The following CYTH1 variants were observed in gnomAD, a reference collection of about 807,000 sequenced individuals.
CYTH1 encodes cytohesin-1.
Under a neutral mutation model 61.8 loss-of-function variants are expected in CYTH1, and 18 were observed. The observed-to-expected ratio is 0.29, with a 90% CI of 0.20 to 0.43. The LOEUF (loss-of-function observed/expected upper bound fraction) is 0.43. Ranked by LOEUF, CYTH1 falls within the 20% of genes least tolerant of loss-of-function variation. CYTH1 has a pLI of 1.00. For synonymous variants in CYTH1, 174 were observed against 184.3 expected (o/e 0.94, Z 0.45); for missense variants, 336 against 510.5 (o/e 0.66, Z 3.29).
intron 1 of CYTH1, among the ~76,000 whole-genome samples, chr17:78,727,168 C>T (rs148988383): frequency 9.8e-4 from 149 of 152,372 alleles, no homozygotes; most frequent in African/African-American, 3.5e-3. Context: ...CAAAGGTCCT[C>T]TCTGCCCATG....
rs1388902767 is a variant in CYTH1, at chr17:78,696,020, G to A, written c.812-11C>T. On this transcript the variant is annotated splice_polypyrimidine_tract_variant and intron_variant, in intron 9 of 13. Coordinates refer to ENST00000446868, the MANE Select transcript of CYTH1 (RefSeq NM_004762.6). ...AGGGTTACATACCTCCTGGAGTTTG[G>A]GGCAAGGAAAAGGAGAGCCAAAATC... 3 of 1,367,786 alleles carry A rather than the reference G, an allele frequency of 2.2e-6. No individual in the cohort carries two copies. Among genetic ancestry groups the A allele is most frequent in the Non-Finnish European group, 2.9e-6 (3 of 1,021,956 alleles). 84.7% of individuals were successfully genotyped at this position (1,367,786 alleles called of 1,614,324 possible).
chr17:78,702,307 G>A lies in CYTH1; in HGVS notation c.238-67C>T, dbSNP rs180708065. Reference sequence around the variant, plus strand: ...AAACAGTTGAAAAGAAGGGGAAAGGGCACAGGAAGAAATGGGTGTGGGTGC... The same window carrying A: ...AAACAGTTGAAAAGAAGGGGAAAGGACACAGGAAGAAATGGGTGTGGGTGC... On this transcript the variant is annotated intron_variant, in intron 4 of 13. Transcript: ENST00000446868. 4.4e-5 allele frequency: 60 copies of A among 1,351,412 alleles called. No individual in the cohort carries two copies. The African/African-American group carries it at 7.6e-4, about 17-fold the overall frequency. 83.7% of individuals were successfully genotyped at this position (1,351,412 alleles called of 1,614,324 possible).
chr17:78,708,142 G>T, intron 3 of CYTH1, 55 bp downstream of exon 3: 1 of 1,567,010 alleles, frequency 6.4e-7, no homozygotes, highest in Non-Finnish European at 8.8e-7. Flanking sequence ...ATTAAGGCCT[G>T]GGTGCTTTAA....
intron 1 of CYTH1, among the ~76,000 whole-genome samples, chr17:78,710,672 G>T (rs1459804776): frequency 6.6e-6 from 1 of 152,172 alleles, no homozygotes; most frequent in Non-Finnish European, 1.5e-5. Flanking sequence ...TCAATGAAGT[G>T]GTCCCACCAT....
chr17:78,756,301 C>A (rs1358891066), intron 1 of CYTH1, among the ~76,000 whole-genome samples: 1 of 151,994 alleles, frequency 6.6e-6, no homozygotes, highest in Admixed American at 6.6e-5. Context: ...GTCTTGAACA[C>A]CTGATCTCAA....
intron 1 of CYTH1, among the ~76,000 whole-genome samples, chr17:78,752,159 T>A (rs1335192497): frequency 1.3e-5 from 2 of 152,220 alleles, no homozygotes; most frequent in Non-Finnish European, 2.9e-5. Flanking sequence ...GACTCCTCCA[T>A]CTCCCTCTCT....
chr17:78,712,647 A>G (rs2093146268), intron 1 of CYTH1, among the ~76,000 whole-genome samples: 1 of 152,012 alleles, frequency 6.6e-6, no homozygotes, highest in African/African-American at 2.4e-5. Flanking sequence ...CAAGAGCACA[A>G]CTCTGTCTCA....
chr17:78,689,439 C>T lies in CYTH1; in HGVS notation c.891+2978G>A, dbSNP rs1445961468. ...GCACAACCTAGATCTCTGGCCCATA[C>T]AATTTACAATAGGGTTCGTGCTCCT... On this transcript the variant is annotated intron_variant, in intron 11 of 13. Transcript: ENST00000446868. 4.6e-5 allele frequency among the ~76,000 whole-genome samples: 7 copies of T among 152,308 alleles called. No individual in the cohort carries two copies. The East Asian group carries it at 1.4e-3, about 29-fold the overall frequency.
chr17:78,681,064 G>C (rs890563437), intron 11 of CYTH1, 22 bp from the exon 12 acceptor site: 1 of 1,609,544 alleles, frequency 6.2e-7, no homozygotes, highest in Non-Finnish European at 8.5e-7. Flanking sequence ...TTGAAGAGAG[G>C]AAGTTTAAGA....
chr17:78,691,103 T>C (rs1219255742), intron 11 of CYTH1, among the ~76,000 whole-genome samples: 1 of 152,218 alleles, frequency 6.6e-6, no homozygotes, highest in Non-Finnish European at 1.5e-5. Context: ...TGAAGTGTAT[T>C]ACTCTCATAT....
intron 1 of CYTH1, chr17:78,736,655 G>A (rs748406924): frequency 3.3e-5 from 11 of 338,188 alleles, no homozygotes; most frequent in South Asian, 1.3e-4. Context: ...ACCCCAAGCC[G>A]CATCAGTCCC....
intron 13 of CYTH1, 199 bp from the exon 14 acceptor site, chr17:78,676,368 C>G: frequency 1.7e-6 from 1 of 579,142 alleles, no homozygotes; most frequent in East Asian, 2.9e-5. Flanking sequence ...GAAAGAGACA[C>G]AGGAACACGT....
At chr17:78,782,020 C>G (rs1031116202) in intron 1 of CYTH1, among the ~76,000 whole-genome samples, 182 bp downstream of exon 1, 22 of 151,170 alleles carry the variant, frequency 1.5e-4, no homozygotes, top group South Asian at 2.1e-4. Flanking sequence ...CCCTCAAAAC[C>G]CCCTGCGACC....
intron 12 of CYTH1, 141 bp from the exon 13 acceptor site, chr17:78,680,485 G>T: frequency 9.9e-7 from 1 of 1,008,140 alleles, no homozygotes; most frequent in Non-Finnish European, 1.4e-6. Flanking sequence ...GAAAAGTGAA[G>T]CCTAGAAGCG....
rs78023048 is a variant in CYTH1 at position 78,744,677 on chromosome 17, T to C, written c.23-34945A>G. On this transcript the variant is annotated intron_variant, in intron 1 of 13. Transcript: ENST00000446868. ...AGTTGATGGCAAAGGATATATGTAA[T>C]GTGTCAACAAGAATTCAAAGAACTT... Among the ~76,000 whole-genome samples, 1,324 of 152,302 alleles carry C rather than the reference T, an allele frequency of 8.7e-3. 22 individuals carry two copies. The highest frequency in any genetic ancestry group is 0.03 in the African/African-American group (1,229 of 41,552).
rs368593822 is a variant in CYTH1 at position 78,732,275 on chromosome 17, A to G, written c.23-22543T>C. Among the ~76,000 whole-genome samples the G allele has an allele frequency of 7.9e-5, 12 of 152,284 alleles. 4 individuals are homozygous for G. Among genetic ancestry groups the G allele is most frequent in the Admixed American group, 6.5e-5 (1 of 15,294 alleles). On this transcript the variant is annotated intron_variant, in intron 1 of 13. Coordinates refer to ENST00000446868, the MANE Select transcript of CYTH1 (RefSeq NM_004762.6). ...CCTTCCACATCCCTCCTGTCTAATC[A>G]GACTTTGGGTCTTGATCCCCCACAG...
At position 78,701,653 on chromosome 17, in the gene CYTH1, C is replaced by T. The variant is rs1383127394; in HGVS notation, c.437+18G>A. On this transcript the variant is annotated intron_variant, in intron 6 of 13. Coordinates refer to ENST00000446868, the MANE Select transcript of CYTH1 (RefSeq NM_004762.6). ...GCCTCCCACTCCTTCCAAAGGGGCT[C>T]ACCTCAAGAATACTCACCGTAGTGC... The T allele has an allele frequency of 6.2e-6, 10 of 1,613,394 alleles. No homozygotes were observed. The highest frequency in any genetic ancestry group is 8.5e-6 in the Non-Finnish European group (10 of 1,179,354).
At chr17:78,762,849 G>A (rs1048899397) in intron 1 of CYTH1, among the ~76,000 whole-genome samples, 5 of 152,156 alleles carry the variant, frequency 3.3e-5, no homozygotes, top group African/African-American at 1.2e-4. Context: ...TTTCCCTAGA[G>A]CCTCCAGAAA....
chr17:78,708,073 T>C, intron 3 of CYTH1, 124 bp downstream of exon 3: 1 of 938,230 alleles, frequency 1.1e-6, no homozygotes. Context: ...GTGTATGTGC[T>C]TGCTAGAATT....
Sources: allele counts gnomAD v4.1 joint callset (sites outside exome capture counted in the v4.1 genomes callset), GRCh38; gene constraint gnomAD v4.1.1; transcripts MANE v1.5; gene names NCBI Gene and HGNC (gene_info 2026-07-23, HGNC 2026-07-21).